The following NOTCH1 variants were observed in gnomAD, a reference collection of about 807,000 sequenced individuals.
NOTCH1 encodes the protein neurogenic locus notch homolog protein 1.
NOTCH1 carries 37 observed loss-of-function variants against 254.8 expected under a neutral mutation model. The ratio of observed to expected loss-of-function variants is 0.15; its 90% CI spans 0.11 to 0.19. NOTCH1 has a LOEUF of 0.19. NOTCH1 is among the 10% of genes least tolerant of loss of function. The pLI, the probability that NOTCH1 is intolerant of heterozygous loss-of-function variation, is 1.00. For synonymous variants in NOTCH1, 1,731 were observed against 1,618.1 expected, an observed-to-expected ratio of 1.07 and a Z score of -1.68; for missense variants, 2,972 against 3,708.6, an observed-to-expected ratio of 0.80 and a Z score of 5.16.
In NOTCH1 at chr9:136,515,211, C is replaced by T; in HGVS notation, c.2014+79G>A. The T allele has an allele frequency of 1.3e-5, 18 of 1,399,350 alleles. No individual in the cohort carries two copies. The South Asian group carries it at 2.0e-4, about 16-fold the overall frequency. The allele number at this position is 1,399,350 out of a possible 1,614,324, so 86.7% of individuals were successfully genotyped here. On this transcript the variant is annotated intron_variant, in intron 12 of 33. Coordinates refer to ENST00000651671, the MANE Select transcript of NOTCH1 (RefSeq NM_017617.5). ...CAGCACCAAAGCCCTCACCCAACCC[C>T]TCAGCAGCCCCAGGGCAGAGTGGCT...
In NOTCH1 at chr9:136,495,486, A is replaced by G. The variant is rs1842901554; in HGVS notation, c.*585T>C. On this transcript the variant is annotated 3_prime_UTR_variant, in exon 34 of 34. Coordinates refer to ENST00000651671, the MANE Select transcript of NOTCH1 (RefSeq NM_017617.5). ...TGCTTTCACTTGTTTCCTATTTCAG[A>G]TGCAAATTAATCCGCGTGCGGAAGG... 1 of 399,442 alleles carries G rather than the reference A, an allele frequency of 2.5e-6. No homozygotes were observed. Among genetic ancestry groups the G allele is most frequent in the Non-Finnish European group, 4.4e-6 (1 of 226,616 alleles). 24.7% of individuals were successfully genotyped at this position (399,442 alleles called of 1,614,324 possible).
chr9:136,500,105 C>A (rs539597675), intron 31 of NOTCH1, among the ~76,000 whole-genome samples: 1 of 152,318 alleles, frequency 6.6e-6, no homozygotes, highest in African/African-American at 2.4e-5. Flanking sequence ...CACGAGCTCA[C>A]CGGCAAGCTG....
At chr9:136,535,517 T>G (rs1386082419) in intron 2 of NOTCH1, among the ~76,000 whole-genome samples, 10 of 21,974 alleles carry the variant, frequency 4.6e-4, no homozygotes, top group East Asian at 3.9e-3. Context: ...TGGGAGTGGG[T>G]GGAGGGGGGA....
intron 33 of NOTCH1, among the ~76,000 whole-genome samples, chr9:136,498,661 G>A (rs1178529896): frequency 6.6e-6 from 1 of 152,198 alleles, no homozygotes; most frequent in Admixed American, 6.5e-5. Context: ...TGAGGGGCGA[G>A]CCGCCGTGTC....
At position 136,513,024 on chromosome 9, in the gene NOTCH1, T is replaced by C. The variant is rs1245057191; in HGVS notation, c.2464A>G (p.Thr822Ala). 1.2e-5 allele frequency: 16 copies of C among 1,289,132 alleles called. No individual in the cohort carries two copies. The highest frequency in any genetic ancestry group is 1.6e-5 in the Non-Finnish European group (15 of 932,398). 79.9% of individuals were successfully genotyped at this position (1,289,132 alleles called of 1,614,324 possible). ...GYKCNCLLPY[T>A]GATCEVVLAP... is the part of the protein sequence containing the mutation. ...ACAGGCCCCACCCACCCCTCACCTGTGTAGGGCAGCAGGCAGTTGCACTTG... is the reference window on the plus strand; with the variant it reads ...ACAGGCCCCACCCACCCCTCACCTGCGTAGGGCAGCAGGCAGTTGCACTTG... The change falls in exon 15 of 34, where the codon ACA (threonine) becomes GCA (alanine). Residue 822 changes from threonine to alanine, a missense_variant. Thr to Ala is a moderately conservative substitution (Grantham distance 58). This residue lies in a region of NOTCH1 where 1,343 missense variants were observed against 1,557.0 expected (regional missense o/e 0.86). Coordinates refer to ENST00000651671, the MANE Select transcript of NOTCH1 (RefSeq NM_017617.5). The surrounding 1 kb of genome is among the most constrained non-coding windows in gnomAD (Gnocchi z 4.7).
chr9:136,516,051 G>C lies in NOTCH1; in HGVS notation c.1599C>G (p.Ala533=). The change falls in exon 10 of 34, where the codon GCC becomes GCG. Residue 533 remains alanine, a synonymous_variant. Coordinates refer to ENST00000651671, the MANE Select transcript of NOTCH1 (RefSeq NM_017617.5). ...HLCQYDVDEC[A]STPCKNGAKC... Reference sequence around the variant, plus strand: ...TGGCACCATTCTTGCAGGGGGTGCTGGCACACTCGTCCACATCGTACTGGC... The same window carrying C: ...TGGCACCATTCTTGCAGGGGGTGCTCGCACACTCGTCCACATCGTACTGGC... The C allele has an allele frequency of 1.9e-6, 3 of 1,612,200 alleles. No homozygotes were observed. Among genetic ancestry groups the C allele is most frequent in the Non-Finnish European group, 1.7e-6 (2 of 1,179,930 alleles).
chr9:136,542,604 C>A (rs73567933), intron 2 of NOTCH1, among the ~76,000 whole-genome samples: 2 of 133,684 alleles, frequency 1.5e-5, no homozygotes, highest in East Asian at 2.5e-4. Context: ...AAGACACAAT[C>A]GGCTTTGTCC....
At chr9:136,507,827 C>T (rs1843112936) in intron 21 of NOTCH1, 128 bp downstream of exon 21, 2 of 1,012,692 alleles carry the variant, frequency 2.0e-6, no homozygotes, top group Admixed American at 3.7e-5. Flanking sequence ...CAGCCCTCCC[C>T]TAATGAGACT....
chr9:136,500,952 C>A (rs1393576742), intron 30 of NOTCH1, 105 bp from the exon 31 acceptor site: 1 of 1,283,076 alleles, frequency 7.8e-7, no homozygotes, highest in Non-Finnish European at 1.1e-6. Flanking sequence ...GGTGTGGATG[C>A]ACCACCCAGC....
intron 18 of NOTCH1, among the ~76,000 whole-genome samples, chr9:136,509,412 ACGTTTACCAAATGAGCTT>A (rs753904992): frequency 1.3e-5 from 2 of 152,242 alleles, no homozygotes; most frequent in Non-Finnish European, 2.9e-5. Context: ...GACGAGACTG[ACGTTTACCAAATGAGCTT>A]CCTGGCAAAC....
rs778243258 is a variant in NOTCH1 at position 136,510,623 on chromosome 9, G to A, written c.2740+30C>T. Reference sequence around the variant, plus strand: ...GGGAACTGAGGCCTGAGAGCTTCCTGGAGGAGGCCAGAGCCGCGGGGCTAC... The same window carrying A: ...GGGAACTGAGGCCTGAGAGCTTCCTAGAGGAGGCCAGAGCCGCGGGGCTAC... On this transcript the variant is annotated intron_variant, in intron 17 of 33. Transcript: ENST00000651671. 5.0e-6 allele frequency: 8 copies of A among 1,594,326 alleles called. No homozygotes were observed. In the East Asian group the frequency reaches 9.0e-5, roughly 18 times the overall value.
At chr9:136,508,790 G>GC in intron 19 of NOTCH1, 80 bp downstream of exon 19, 1 of 1,384,624 alleles carries the variant, frequency 7.2e-7, no homozygotes, top group Non-Finnish European at 9.8e-7. Context: ...GTGGGACCTG[G>GC]GGTGACCGTT....
chr9:136,511,080 T>G, intron 16 of NOTCH1, 72 bp downstream of exon 16: 1 of 1,608,674 alleles, frequency 6.2e-7, no homozygotes. Flanking sequence ...CTAGCCTGCC[T>G]GGGAGCTGCC....
Position 136,517,735 on chromosome 9 carries a change from G to C in NOTCH1, c.1441+17C>G, listed in dbSNP as rs1369516392. On this transcript the variant is annotated intron_variant, in intron 8 of 33. Coordinates refer to ENST00000651671, the MANE Select transcript of NOTCH1 (RefSeq NM_017617.5). Reference sequence around the variant, plus strand: ...CAGCCTCGACTCGGTTTCCCGCCCTGGCCCCGGCCGACGCACCGGGCATGC... The same window carrying C: ...CAGCCTCGACTCGGTTTCCCGCCCTCGCCCCGGCCGACGCACCGGGCATGC... 1 of 1,612,472 alleles carries C rather than the reference G, an allele frequency of 6.2e-7. No individual in the cohort carries two copies. Among genetic ancestry groups the C allele is most frequent in the South Asian group, 1.1e-5 (1 of 91,080 alleles).
At chr9:136,503,415 A>C in intron 26 of NOTCH1, 85 bp from the exon 27 acceptor site, 1 of 1,586,498 alleles carries the variant, frequency 6.3e-7, no homozygotes, top group Non-Finnish European at 8.6e-7. Flanking sequence ...CAGGACACTG[A>C]GGCCCATGAC....
chr9:136,499,077 CCCA>C, intron 32 of NOTCH1, 32 bp downstream of exon 32: 2 of 1,612,772 alleles, frequency 1.2e-6, no homozygotes, highest in African/African-American at 2.7e-5. Flanking sequence ...GCGGTCCCGC[CCCA>C]CGACAGAGCA....
In NOTCH1 at chr9:136,514,715, C is replaced by G. The variant is rs772867940; in HGVS notation, c.2015-13G>C. On this transcript the variant is annotated splice_polypyrimidine_tract_variant and intron_variant, in intron 12 of 33. Coordinates refer to ENST00000651671, the MANE Select transcript of NOTCH1 (RefSeq NM_017617.5). ...TTACACATGCTCCCTAAGGGCAGGG[C>G]GGGTCAGACTCCGAGGCCCAGCGCC... 1.2e-5 allele frequency: 20 copies of G among 1,610,522 alleles called. No homozygotes were observed. Among genetic ancestry groups the G allele is most frequent in the Non-Finnish European group, 1.7e-5 (20 of 1,179,070 alleles).
intron 2 of NOTCH1, among the ~76,000 whole-genome samples, chr9:136,535,279 C>T (rs531527787): frequency 1.3e-5 from 2 of 152,092 alleles, no homozygotes; most frequent in Non-Finnish European, 2.9e-5. Context: ...TGGGGACCCA[C>T]CCGAAGCCAC....
chr9:136,512,450 C>A (rs1400779259), intron 15 of NOTCH1, among the ~76,000 whole-genome samples: 1 of 152,214 alleles, frequency 6.6e-6, no homozygotes, highest in Admixed American at 6.5e-5. Context: ...TTCCTGTGAT[C>A]CCCTTGGCTG....
Sources: gnomAD v4.1 joint callset for allele counts (sites outside exome capture counted in the v4.1 genomes callset) on GRCh38, gnomAD v4.1.1 for gene constraint, gnomAD v4.1.1 regional missense constraint, Gnocchi (gnomAD v3.1) non-coding constraint, MANE v1.5 for transcripts, NCBI Gene and HGNC (gene_info 2026-07-23, HGNC 2026-07-21) for gene names.